Variants in LMAN1 observed in about 807,000 individuals in gnomAD.
LMAN1 encodes the protein protein ERGIC-53.
LMAN1 carries 32 observed loss-of-function variants against 67.8 expected under a neutral mutation model. That is an observed-to-expected ratio of 0.47 (90% confidence interval 0.36 to 0.63). The LOEUF is 0.63. Ranked by LOEUF, LMAN1 falls within the 30% of genes least tolerant of loss-of-function variation. The probability of loss-of-function intolerance (pLI) is 0.00; values close to 1 mark genes in which losing one functional copy is unlikely to be tolerated. For synonymous variants in LMAN1, 235 were observed against 219.3 expected (o/e 1.07, Z -0.63); for missense variants, 632 against 628.2 (o/e 1.01, Z -0.06).
chr18:59,353,288 G>T lies in LMAN1; in HGVS notation c.553C>A (p.Gln185Lys). The change falls in exon 5 of 13, where the codon CAA (glutamine) becomes AAA (lysine). Residue 185 changes from glutamine (Q) to lysine (K), a missense_variant. Physicochemically the swap from Gln to Lys is moderately conservative, Grantham distance 53. Transcript: ENST00000251047. ...HYDHQNDGASQALASCQRDFR... is the reference protein window; with the variant it reads ...HYDHQNDGASKALASCQRDFR... ...TCCCTCTGGCAACTTGCCAAAGCTTGACTAGCCCCGTCACTATAGTGTAAG... is the reference window on the plus strand; with the variant it reads ...TCCCTCTGGCAACTTGCCAAAGCTTTACTAGCCCCGTCACTATAGTGTAAG... 6.2e-7 allele frequency: 1 copy of T among 1,613,756 alleles called. No homozygotes were observed. The highest frequency in any genetic ancestry group is 1.1e-5 in the South Asian group (1 of 91,062).
intron 5 of LMAN1, among the ~76,000 whole-genome samples, chr18:59,349,743 C>T (rs1199819791): frequency 2.0e-5 from 3 of 152,102 alleles, no homozygotes; most frequent in Admixed American, 6.5e-5. Context: ...GTCATACTGA[C>T]AAGGCAGAGA....
At chr18:59,345,357 A>G (rs532217046) in intron 8 of LMAN1, among the ~76,000 whole-genome samples, 2 of 152,286 alleles carry the variant, frequency 1.3e-5, no homozygotes, top group African/African-American at 4.8e-5. Context: ...TCTTAATAAC[A>G]TTGGGTTAGA....
chr18:59,341,587 G>C (rs1477422718), intron 8 of LMAN1, among the ~76,000 whole-genome samples: 2 of 152,078 alleles, frequency 1.3e-5, no homozygotes, highest in Non-Finnish European at 2.9e-5. Context: ...TAAACAGCAT[G>C]CTCCTGAACA....
Position 59,330,789 on chromosome 18 carries a change from G to T in LMAN1, c.*304C>A. On this transcript the variant is annotated 3_prime_UTR_variant, in exon 13 of 13. Transcript: ENST00000251047. ...ACCTGCAATATTGGAGACTTAGGGG[G>T]TAACATTCATATCCAGGGGTTGCCC... 1 of 348,428 alleles carries T rather than the reference G, an allele frequency of 2.9e-6. No individual in the cohort carries two copies. The highest frequency in any genetic ancestry group is 5.7e-5 in the East Asian group (1 of 17,498). 21.6% of individuals were successfully genotyped at this position (348,428 alleles called of 1,614,324 possible).
intron 7 of LMAN1, among the ~76,000 whole-genome samples, chr18:59,346,306 T>C (rs1447708791): frequency 2.1e-5 from 3 of 145,060 alleles, no homozygotes; most frequent in Admixed American, 1.4e-4. Flanking sequence ...CTGCAACCTC[T>C]GCCTCCCAGG....
intron 6 of LMAN1, among the ~76,000 whole-genome samples, chr18:59,348,700 G>C (rs1004821906): frequency 7.2e-5 from 11 of 152,306 alleles, no homozygotes; most frequent in Non-Finnish European, 1.5e-4. Flanking sequence ...ATTTACATGT[G>C]ATGTGACAAT....
In LMAN1 at chr18:59,336,195, G is replaced by A. The variant is rs1370161382; in HGVS notation, c.1220+2362C>T. Among the ~76,000 whole-genome samples the A allele has an allele frequency of 3.9e-5, 6 of 152,100 alleles. No individual in the cohort carries two copies. In the East Asian group the frequency reaches 7.7e-4, roughly 20 times the overall value. ...GTCCAGTAAGAGGCCTAGAGGTAAC[G>A]GCACCGCGGTAGTAATGAGCATACC... is the stretch of plus-strand genomic sequence containing the variant. On this transcript the variant is annotated intron_variant, in intron 10 of 12. Coordinates refer to ENST00000251047, the MANE Select transcript of LMAN1 (RefSeq NM_005570.4).
chr18:59,345,259 A>G (rs575004774), intron 8 of LMAN1, among the ~76,000 whole-genome samples: 101 of 152,336 alleles, frequency 6.6e-4, no homozygotes, highest in Admixed American at 1.1e-3. Flanking sequence ...GCTGACTGGG[A>G]ACAATTCAGA....
In LMAN1 at chr18:59,354,268, A is replaced by G. The variant is rs542275450; in HGVS notation, c.539+251T>C. On this transcript the variant is annotated intron_variant, in intron 4 of 12. Transcript: ENST00000251047. ...GCCAGGAACAGTCTATAAACTTTCA[A>G]AAGTATATTATTAAATAATTTGAGG... Among the ~76,000 whole-genome samples the G allele has an allele frequency of 4.6e-5, 7 of 152,360 alleles. No homozygotes were observed. In the South Asian group the frequency reaches 1.4e-3, roughly 32 times the overall value.
At chr18:59,336,442 G>A (rs1908149471) in intron 10 of LMAN1, among the ~76,000 whole-genome samples, 1 of 152,178 alleles carries the variant, frequency 6.6e-6, no homozygotes, top group Non-Finnish European at 1.5e-5. Context: ...AATAAATAAG[G>A]AGAGTGTTGG....
intron 8 of LMAN1, among the ~76,000 whole-genome samples, chr18:59,344,658 G>A (rs990332851): frequency 1.4e-4 from 21 of 152,136 alleles, no homozygotes; most frequent in African/African-American, 4.8e-4. Flanking sequence ...ACTACAAAAG[G>A]TGGGAGGGGA....
At chr18:59,358,590 G>A (rs1908716184) in intron 1 of LMAN1, among the ~76,000 whole-genome samples, 1 of 152,088 alleles carries the variant, frequency 6.6e-6, no homozygotes, top group Admixed American at 6.6e-5. Context: ...GGGGGTGGGG[G>A]GTGGAAGCGG....
At chr18:59,353,670 A>G (rs1908595684) in intron 4 of LMAN1, among the ~76,000 whole-genome samples, 1 of 152,220 alleles carries the variant, frequency 6.6e-6, no homozygotes, top group African/African-American at 2.4e-5. Flanking sequence ...CCTTTCTTAC[A>G]GTTCACTGGT....
At chr18:59,334,631 A>T (rs964444334) in intron 10 of LMAN1, among the ~76,000 whole-genome samples, 1 of 152,226 alleles carries the variant, frequency 6.6e-6, no homozygotes, top group Admixed American at 6.5e-5. Context: ...GAGGCCAAAG[A>T]ATACCAGGAG....
chr18:59,331,005 T>TAA lies in LMAN1; in HGVS notation c.*87_*88insTT. On this transcript the variant is annotated 3_prime_UTR_variant, in exon 13 of 13. Coordinates refer to ENST00000251047, the MANE Select transcript of LMAN1 (RefSeq NM_005570.4). ...TATTTTATTAAGAAAATTAATAATT[T>TAA]AGACTATGAAGCAATTTAAATACTT... is the stretch of plus-strand genomic sequence containing the variant. The TAA allele has an allele frequency of 1.2e-6, 1 of 860,050 alleles. No individual in the cohort carries two copies. The allele number at this position is 860,050 out of a possible 1,614,324, so 53.3% of individuals were successfully genotyped here.
At chr18:59,347,027 G>A (rs1040949868) in intron 7 of LMAN1, among the ~76,000 whole-genome samples, 2 of 151,764 alleles carry the variant, frequency 1.3e-5, no homozygotes, top group African/African-American at 4.8e-5. Context: ...TCAGGAGATC[G>A]AGACCATCCT....
intron 8 of LMAN1, among the ~76,000 whole-genome samples, chr18:59,345,568 G>T (rs1228850657): frequency 1.3e-5 from 2 of 152,138 alleles, no homozygotes; most frequent in Admixed American, 6.5e-5. Context: ...TACTGAACCT[G>T]AACTACTAGG....
chr18:59,340,337 G>A (rs1118623), intron 8 of LMAN1, among the ~76,000 whole-genome samples: 148,899 of 152,294 alleles, frequency 0.98, 72,878 homozygotes, highest in East Asian at 1. Context: ...ACAGCATATT[G>A]TATTCAGAAT....
Position 59,353,343 on chromosome 18 carries a change from T to C in LMAN1, c.540-42A>G, listed in dbSNP as rs374171987. The C allele has an allele frequency of 3.6e-6, 5 of 1,383,956 alleles. No homozygotes were observed. The African/African-American group carries it at 7.1e-5, about 20-fold the overall frequency. The allele number at this position is 1,383,956 out of a possible 1,614,324, so 85.7% of individuals were successfully genotyped here. ...AGGAAAACAGACAAGACACTCAGCT[T>C]TTCAATATTTAAAAATTCAGGAAGA... On this transcript the variant is annotated intron_variant, in intron 4 of 12. Transcript: ENST00000251047.
Sources: allele counts gnomAD v4.1 joint callset (sites outside exome capture counted in the v4.1 genomes callset), GRCh38; gene constraint gnomAD v4.1.1; transcripts MANE v1.5; gene names NCBI Gene and HGNC (gene_info 2026-07-23, HGNC 2026-07-21).